Variants in GDPD5 observed in about 807,000 individuals in gnomAD.
GDPD5 encodes the protein glycerophosphodiester phosphodiesterase 2.
Under a neutral mutation model 75.1 loss-of-function variants are expected in GDPD5, and 48 were observed. The observed-to-expected ratio is 0.64, with a 90% CI of 0.51 to 0.81. GDPD5 has a LOEUF of 0.81. Among genes scored for constraint, GDPD5 ranks in the 40% least tolerant of loss-of-function variants. The pLI, the probability that GDPD5 is intolerant of heterozygous loss-of-function variation, is 0.00. For missense variants in GDPD5, 706 were observed against 822.6 expected, an observed-to-expected ratio of 0.86 and a Z score of 1.73; for synonymous variants, 336 against 339.0, an observed-to-expected ratio of 0.99 and a Z score of 0.10.
At chr11:75,463,363 C>T (rs1295180270) in intron 3 of GDPD5, among the ~76,000 whole-genome samples, 1 of 152,154 alleles carries the variant, frequency 6.6e-6, no homozygotes. Context: ...AGCAAGTTAG[C>T]AGAGGATTAA....
chr11:75,494,444 T>A (rs1950175306), intron 1 of GDPD5, among the ~76,000 whole-genome samples: 1 of 151,910 alleles, frequency 6.6e-6, no homozygotes, highest in African/African-American at 2.4e-5. Context: ...CTCGAACTCC[T>A]GACCTCAAGT....
Position 75,457,806 on chromosome 11 carries a change from CA to C in GDPD5, c.222-21del. 4 of 1,602,092 alleles carry C rather than the reference CA, an allele frequency of 2.5e-6. No homozygotes were observed. Among genetic ancestry groups the C allele is most frequent in the Non-Finnish European group, 3.4e-6 (4 of 1,169,528 alleles). On this transcript the variant is annotated intron_variant, in intron 4 of 16. Coordinates refer to ENST00000336898, the MANE Select transcript of GDPD5 (RefSeq NM_030792.8). ...AGGTACCTGCCAGGAGGAGAGGGGG[CA>C]GGGGTCAGACCTCCACCAGGCCACT...
chr11:75,448,607 C>T, intron 9 of GDPD5: 1 of 1,025,458 alleles, frequency 9.8e-7, no homozygotes, highest in Non-Finnish European at 1.2e-6. Context: ...TCACAGTGGG[C>T]TCTGAGCTGC....
rs761068113 is a variant in GDPD5 at position 75,468,165 on chromosome 11, C to T, written c.118-5276G>A. On this transcript the variant is annotated intron_variant, in intron 3 of 16. Transcript: ENST00000336898. The stretch of plus-strand genomic sequence containing the variant: ...CCCCAGGCCAAAATGCACACAGCTG[C>T]CCCTCCCACTACTAGGGATCCTGAA... Among the ~76,000 whole-genome samples, 3 of 152,324 alleles carry T rather than the reference C, an allele frequency of 2.0e-5. No homozygotes were observed. The South Asian group carries it at 6.2e-4, about 32-fold the overall frequency.
rs542399334 is a variant in GDPD5, at chr11:75,450,089, G to A, written c.376-106C>T. On this transcript the variant is annotated intron_variant, in intron 6 of 16. Coordinates refer to ENST00000336898, the MANE Select transcript of GDPD5 (RefSeq NM_030792.8). Reference sequence around the variant, plus strand: ...AGAGACAGAGAGGGCAGGAGAGGCCGATGGAGCAGGGCAGAGGGGAGGGAG... The same window carrying A: ...AGAGACAGAGAGGGCAGGAGAGGCCAATGGAGCAGGGCAGAGGGGAGGGAG... The A allele has an allele frequency of 4.7e-4, 407 of 864,928 alleles. 3 individuals carry two copies. The South Asian group carries it at 5.6e-3, about 12-fold the overall frequency. 53.6% of individuals were successfully genotyped at this position (864,928 alleles called of 1,614,324 possible).
chr11:75,466,461 A>C (rs530321642), intron 3 of GDPD5, among the ~76,000 whole-genome samples: 7 of 152,150 alleles, frequency 4.6e-5, no homozygotes, highest in Non-Finnish European at 8.8e-5. Context: ...TTGTCAGGGC[A>C]CATTACAGCA....
chr11:75,516,710 G>C (rs1030148404), intron 1 of GDPD5, among the ~76,000 whole-genome samples: 1 of 152,196 alleles, frequency 6.6e-6, no homozygotes, highest in Non-Finnish European at 1.5e-5. Context: ...TAGGCACTGT[G>C]CTCCACATAC....
chr11:75,476,207 A>AT (rs1411783795), intron 3 of GDPD5, among the ~76,000 whole-genome samples: 1 of 152,062 alleles, frequency 6.6e-6, no homozygotes, highest in Non-Finnish European at 1.5e-5. Flanking sequence ...TGGTCACGGG[A>AT]TTCTGAAGCC....
chr11:75,491,751 G>A (rs1950113749), intron 1 of GDPD5, among the ~76,000 whole-genome samples: 2 of 152,178 alleles, frequency 1.3e-5, no homozygotes, highest in Admixed American at 1.3e-4. Context: ...GGTCAATGTG[G>A]GGATTAAATT....
chr11:75,436,869 G>A, intron 16 of GDPD5, 67 bp downstream of exon 16: 1 of 1,183,916 alleles, frequency 8.4e-7, no homozygotes, highest in Non-Finnish European at 1.3e-6. Flanking sequence ...ATACACATCT[G>A]TTTGCATGTG....
intron 1 of GDPD5, among the ~76,000 whole-genome samples, chr11:75,496,590 G>A (rs1348704838): frequency 6.6e-6 from 1 of 152,136 alleles, no homozygotes; most frequent in Non-Finnish European, 1.5e-5. Context: ...ACAGGGGCCA[G>A]ACCCCATCTC....
At chr11:75,505,834 A>G (rs934162276) in intron 1 of GDPD5, among the ~76,000 whole-genome samples, 1 of 152,188 alleles carries the variant, frequency 6.6e-6, no homozygotes, top group South Asian at 2.1e-4. Flanking sequence ...ATGCTGCCAA[A>G]AGTGGAAAAG....
chr11:75,473,733 C>T (rs1222560328), intron 3 of GDPD5, among the ~76,000 whole-genome samples: 1 of 152,174 alleles, frequency 6.6e-6, no homozygotes, highest in East Asian at 1.9e-4. Flanking sequence ...GGACTGAATT[C>T]CTTTCAGTTC....
chr11:75,496,587 C>T (rs1950212892), intron 1 of GDPD5, among the ~76,000 whole-genome samples: 1 of 152,086 alleles, frequency 6.6e-6, no homozygotes, highest in Non-Finnish European at 1.5e-5. Context: ...GTAACAGGGG[C>T]CAGACCCCAT....
chr11:75,507,076 C>T (rs1950415791), intron 1 of GDPD5: 1 of 152,560 alleles, frequency 6.6e-6, no homozygotes, highest in Admixed American at 6.5e-5. Flanking sequence ...TGGCGCAAGA[C>T]TCCCTGGGGA....
intron 3 of GDPD5, among the ~76,000 whole-genome samples, chr11:75,463,243 C>G (rs930258137): frequency 2.6e-5 from 4 of 152,226 alleles, no homozygotes; most frequent in Non-Finnish European, 5.9e-5. Context: ...GAAGTCACAT[C>G]CCTCACACAC....
At chr11:75,483,049 A>G (rs1177076153) in intron 2 of GDPD5, among the ~76,000 whole-genome samples, 1 of 151,976 alleles carries the variant, frequency 6.6e-6, no homozygotes, top group African/African-American at 2.4e-5. Flanking sequence ...TCTCTCCACC[A>G]TCCCTCACCA....
At chr11:75,440,240 G>A (rs991820704) in intron 14 of GDPD5, among the ~76,000 whole-genome samples, 1 of 152,294 alleles carries the variant, frequency 6.6e-6, no homozygotes, top group Non-Finnish European at 1.5e-5. Flanking sequence ...TAGGCCTGCA[G>A]GGTCTGTGTG....
chr11:75,471,679 C>G (rs930973502), intron 3 of GDPD5, among the ~76,000 whole-genome samples: 2 of 152,150 alleles, frequency 1.3e-5, no homozygotes, highest in South Asian at 2.1e-4. Flanking sequence ...CCTGCCCCAC[C>G]CTTGCTCAAG....
Sources: gnomAD v4.1 joint callset for allele counts (sites outside exome capture counted in the v4.1 genomes callset) on GRCh38, gnomAD v4.1.1 for gene constraint, MANE v1.5 for transcripts, NCBI Gene and HGNC (gene_info 2026-07-23, HGNC 2026-07-21) for gene names.